FAM53A: variants seen among roughly 807,000 people sequenced by gnomAD.
FAM53A encodes protein FAM53A.
Under a neutral mutation model 26.6 loss-of-function variants are expected in FAM53A, and 28 were observed. The observed-to-expected ratio is 1.05, with a 90% CI of 0.78 to 1.45. FAM53A has a LOEUF of 1.45. Ranked by LOEUF, FAM53A falls within the 40% of genes most tolerant of loss-of-function variation. The pLI, the probability that FAM53A is intolerant of heterozygous loss-of-function variation, is 0.00. For missense variants in FAM53A, 650 were observed against 575.8 expected (o/e 1.13, Z -1.32); for synonymous variants, 290 against 253.1 (o/e 1.15, Z -1.38).
At chr4:1,668,603 G>A in intron 2 of FAM53A, 64 bp downstream of exon 2, 1 of 1,582,580 alleles carries the variant, frequency 6.3e-7, no homozygotes. Flanking sequence ...CTCCCAGTGT[G>A]GCCATTCCCC....
chr4:1,589,663 A>C, the FAM53A span, among the ~76,000 whole-genome samples: 5 of 152,026 alleles, frequency 3.3e-5, no homozygotes, highest in Non-Finnish European at 5.9e-5. Flanking sequence ...GGCACTTTAT[A>C]TTTTTACAGA....
At chr4:1,616,170 C>A (rs139922205), downstream of FAM53A, among the ~76,000 whole-genome samples, 1 of 152,144 alleles carries the variant, frequency 6.6e-6, no homozygotes, top group African/African-American at 2.4e-5. Flanking sequence ...GACTGCGGAG[C>A]GACATGAGAT....
At chr4:1,627,070 G>A (rs1222422915) in intron 1 of FAM53A, among the ~76,000 whole-genome samples, 2 of 152,208 alleles carry the variant, frequency 1.3e-5, no homozygotes, top group African/African-American at 2.4e-5. Context: ...GTGGCCATGT[G>A]GACGCAGGCC....
At chr4:1,638,657 G>A (rs1452900845), downstream of FAM53A, among the ~76,000 whole-genome samples, 1 of 152,216 alleles carries the variant, frequency 6.6e-6, no homozygotes, top group African/African-American at 2.4e-5. Context: ...GCTCCGTCAA[G>A]GGAAGGGGAG....
chr4:1,638,399 A>T (rs1715942397), downstream of FAM53A, among the ~76,000 whole-genome samples: 1 of 151,942 alleles, frequency 6.6e-6, no homozygotes, highest in South Asian at 2.1e-4. Flanking sequence ...ACTGCAGAAG[A>T]ACCGGCTGCA....
chr4:1,679,417 A>AGTG, intron 1 of FAM53A, among the ~76,000 whole-genome samples: 1 of 147,682 alleles, frequency 6.8e-6, no homozygotes, highest in African/African-American at 2.5e-5. Context: ...GGCCAGGTGC[A>AGTG]GTGGTTCATG....
chr4:1,621,306 A>G (rs1021143179), intron 1 of FAM53A, among the ~76,000 whole-genome samples: 12 of 151,822 alleles, frequency 7.9e-5, no homozygotes, highest in Non-Finnish European at 1.8e-4. Flanking sequence ...GGGTTTCACC[A>G]TGTTAGCCGG....
intron 1 of FAM53A, among the ~76,000 whole-genome samples, chr4:1,634,870 A>C (rs1715766796): frequency 6.6e-6 from 1 of 151,988 alleles, no homozygotes; most frequent in African/African-American, 2.4e-5. Context: ...ACTGCACTCC[A>C]GCCTGGGCAA....
chr4:1,657,348 G>A lies in FAM53A; in HGVS notation c.136+60C>T, dbSNP rs1432304048. The A allele has an allele frequency of 2.0e-6, 3 of 1,503,016 alleles. No individual in the cohort carries two copies. The East Asian group carries it at 6.8e-5, about 34-fold the overall frequency. 93.1% of individuals were successfully genotyped at this position (1,503,016 alleles called of 1,614,324 possible). ...ATGTTCTGCGTCCAGGACCCTCCCAGCCCAGGAGCCCAGTCCCAGCCCTGC... is the reference window on the plus strand; with the variant it reads ...ATGTTCTGCGTCCAGGACCCTCCCAACCCAGGAGCCCAGTCCCAGCCCTGC... On this transcript the variant is annotated intron_variant, in intron 3 of 4. Transcript: ENST00000308132.
chr4:1,643,615 G>A (rs894191442), intron 4 of FAM53A, among the ~76,000 whole-genome samples: 2 of 144,520 alleles, frequency 1.4e-5, no homozygotes, highest in African/African-American at 5.2e-5. Flanking sequence ...TTCCCAGGCT[G>A]GAGTGCAGAG....
chr4:1,595,198 G>GA, the FAM53A span, among the ~76,000 whole-genome samples: 1 of 152,208 alleles, frequency 6.6e-6, no homozygotes, highest in Admixed American at 6.5e-5. Flanking sequence ...CTGCCCACAG[G>GA]GACCCCCGCC....
chr4:1,592,666 G>C, the FAM53A span, among the ~76,000 whole-genome samples: 1 of 152,206 alleles, frequency 6.6e-6, no homozygotes, highest in Admixed American at 6.5e-5. Flanking sequence ...GGAAGCCTGG[G>C]GATGGGAGGG....
intron 4 of FAM53A, among the ~76,000 whole-genome samples, chr4:1,653,038 ACACATAGAC>A (rs1455910794): frequency 7.3e-5 from 11 of 149,730 alleles, no homozygotes; most frequent in Non-Finnish European, 1.5e-5. Flanking sequence ...CACACACACA[ACACATAGAC>A]CACACACCAC....
chr4:1,588,319 T>A, the FAM53A span, among the ~76,000 whole-genome samples: 1 of 152,212 alleles, frequency 6.6e-6, no homozygotes, highest in Non-Finnish European at 1.5e-5. Flanking sequence ...TGCTCCCAGA[T>A]TCTTCAGTGC....
At chr4:1,678,516 CA>C (rs748496483) in intron 1 of FAM53A, among the ~76,000 whole-genome samples, 5 of 152,140 alleles carry the variant, frequency 3.3e-5, no homozygotes, top group Non-Finnish European at 5.9e-5. Context: ...AAAAACTAGA[CA>C]TCCACAAGAA....
chr4:1,678,120 C>A (rs1715165557), intron 1 of FAM53A, among the ~76,000 whole-genome samples: 1 of 152,132 alleles, frequency 6.6e-6, no homozygotes, highest in South Asian at 2.1e-4. Context: ...AACTGTAATC[C>A]CTGTACTGTG....
intron 4 of FAM53A, among the ~76,000 whole-genome samples, chr4:1,652,012 TCA>T (rs1215755732): frequency 2.1e-5 from 2 of 95,516 alleles, no homozygotes; most frequent in Admixed American, 1.1e-4. Context: ...ACCACACACG[TCA>T]CACACACACC....
chr4:1,652,466 G>A (rs1209036919), intron 4 of FAM53A, among the ~76,000 whole-genome samples: 12 of 103,002 alleles, frequency 1.2e-4, no homozygotes, highest in African/African-American at 3.9e-4. Context: ...CCACACACAC[G>A]ACACACATCA....
At chr4:1,682,469 G>C (rs1241646833) in intron 1 of FAM53A, among the ~76,000 whole-genome samples, 1 of 151,868 alleles carries the variant, frequency 6.6e-6, no homozygotes, top group Non-Finnish European at 1.5e-5. Flanking sequence ...CACCATGTTG[G>C]CCAGGATGGT....
Sources: gnomAD v4.1 joint callset for allele counts (sites outside exome capture counted in the v4.1 genomes callset) on GRCh38, gnomAD v4.1.1 for gene constraint, MANE v1.5 for transcripts, NCBI Gene and HGNC (gene_info 2026-07-23, HGNC 2026-07-21) for gene names.